MAPK8IP3: variants seen among roughly 807,000 people sequenced by gnomAD.
MAPK8IP3 encodes the protein C-Jun-amino-terminal kinase-interacting protein 3.
A neutral mutation model predicts 157.8 loss-of-function variants in MAPK8IP3; 49 were observed. That is an observed-to-expected ratio of 0.31 (90% CI 0.25 to 0.39). The LOEUF (loss-of-function observed/expected upper bound fraction) is 0.39. Among genes scored for constraint, MAPK8IP3 ranks in the 10% least tolerant of loss-of-function variants. The pLI, the probability that MAPK8IP3 is intolerant of heterozygous loss-of-function variation, is 1.00. For synonymous variants in MAPK8IP3, 897 were observed against 777.7 expected, an observed-to-expected ratio of 1.15 and a Z score of -2.55; for missense variants, 1,478 against 1,889.4, an observed-to-expected ratio of 0.78 and a Z score of 4.04.
intron 4 of MAPK8IP3, among the ~76,000 whole-genome samples, chr16:1,733,560 C>T (rs922302569): frequency 1.3e-5 from 2 of 152,202 alleles, no homozygotes; most frequent in African/African-American, 4.8e-5. Flanking sequence ...CAGAAGGTGG[C>T]CCAGGAACCT....
At position 1,724,550 on chromosome 16, in the gene MAPK8IP3, T is replaced by C. The variant is rs781122667; in HGVS notation, c.319-7T>C. On this transcript the variant is annotated splice_polypyrimidine_tract_variant and splice_region_variant and intron_variant, in intron 1 of 31. Coordinates refer to ENST00000610761, the MANE Select transcript of MAPK8IP3 (RefSeq NM_001318852.2). This position sits in a 1 kb window ranked among gnomAD's most constrained non-coding sequence, Gnocchi z 4.1. ...ATGACTGCTCTTTCCCTCCCTTCCATGCACAGAAATTCATTGAGTTTGAAG... is the reference window on the plus strand; with the variant it reads ...ATGACTGCTCTTTCCCTCCCTTCCACGCACAGAAATTCATTGAGTTTGAAG... The C allele has an allele frequency of 1.1e-5, 17 of 1,612,850 alleles. No homozygotes were observed. Among genetic ancestry groups the C allele is most frequent in the Non-Finnish European group, 1.4e-5 (16 of 1,179,816 alleles).
rs2141959004 is a variant in MAPK8IP3, at chr16:1,768,171, T to A, written c.3563-28T>A. On this transcript the variant is annotated intron_variant, in intron 29 of 31. Coordinates refer to ENST00000610761, the MANE Select transcript of MAPK8IP3 (RefSeq NM_001318852.2). ...TCCCACTCTCCACCTGTATGCGGGC[T>A]CAGCGCCTCTGGGTTCTCTCCCTGC... 3.7e-6 allele frequency: 6 copies of A among 1,611,986 alleles called. No individual in the cohort carries two copies. The Middle Eastern group carries it at 8.3e-4, about 222-fold the overall frequency.
intron 4 of MAPK8IP3, chr16:1,734,924 G>C (rs2039563269): frequency 6.5e-6 from 1 of 154,590 alleles, no homozygotes; most frequent in Non-Finnish European, 1.5e-5. Context: ...ACGCCAGGCA[G>C]TGTTCTCGGG....
At chr16:1,712,751 C>G (rs1404415021) in intron 1 of MAPK8IP3, among the ~76,000 whole-genome samples, 2 of 152,198 alleles carry the variant, frequency 1.3e-5, no homozygotes, top group African/African-American at 4.8e-5. Context: ...CCTCCTAGAC[C>G]ACCTGCCCCC....
At position 1,760,436 on chromosome 16, in the gene MAPK8IP3, G is replaced by A; in HGVS notation, c.1361G>A (p.Gly454Glu). ...DLIAKVDQLS[G>E]EQEVLRGELE... ...ATTGCCAAGGTCGACCAGCTGTCCG[G>A]GGAGCAGGAGGTGCTGAGGGGCGAG... Residue 454 changes from glycine to glutamate, a missense_variant, in exon 12 of 32, where the codon GGG (glycine) becomes GAG (glutamate). This residue lies in a region of MAPK8IP3 where 96 missense variants were observed against 106.3 expected (regional missense o/e 0.90). Transcript: ENST00000610761. The A allele has an allele frequency of 6.2e-7, 1 of 1,613,972 alleles. No homozygotes were observed. Among genetic ancestry groups the A allele is most frequent in the East Asian group, 2.2e-5 (1 of 44,876 alleles).
Position 1,764,348 on chromosome 16 carries a change from G to A in MAPK8IP3, c.2169G>A (p.Glu723=), listed in dbSNP as rs775180762. Residue 723 remains glutamate (E), a synonymous_variant, in exon 19 of 32, where the codon GAG becomes GAA. Coordinates refer to ENST00000610761, the MANE Select transcript of MAPK8IP3 (RefSeq NM_001318852.2). ...GVNLSGWRPN[E]DDAGNGVKPA... ...ACCTGAGCGGGTGGAGGCCCAATGA[G>A]GACGACGCTGGGAATGGAGTCAAGC... The A allele has an allele frequency of 1.3e-6, 2 of 1,579,252 alleles. No individual in the cohort carries two copies. Among genetic ancestry groups the A allele is most frequent in the East Asian group, 2.3e-5 (1 of 43,024 alleles).
intron 8 of MAPK8IP3, among the ~76,000 whole-genome samples, chr16:1,754,629 G>C (rs542601490): frequency 6.6e-6 from 1 of 152,138 alleles, no homozygotes; most frequent in South Asian, 2.1e-4. Context: ...AAAATTACCC[G>C]GGTGTGGTGG....
At position 1,748,378 on chromosome 16, in the gene MAPK8IP3, G is replaced by A. The variant is rs547870474; in HGVS notation, c.1097+32G>A. On this transcript the variant is annotated intron_variant, in intron 7 of 31. Transcript: ENST00000610761. ...GCTCAGCCCAGGCCCTGGGGTCCTG[G>A]GGGCTCAGTATTTATCCAAGTCGGT... The A allele has an allele frequency of 3.8e-6, 6 of 1,565,216 alleles. No homozygotes were observed. In the African/African-American group the frequency reaches 5.4e-5, roughly 14 times the overall value.
At chr16:1,739,485 C>CCT (rs2040462600) in intron 4 of MAPK8IP3, among the ~76,000 whole-genome samples, 1 of 85,276 alleles carries the variant, frequency 1.2e-5, no homozygotes, top group Non-Finnish European at 2.2e-5. Flanking sequence ...TCCGTGTGAG[C>CCT]ATGTGTGACC....
At chr16:1,727,809 G>C (rs996447469) in intron 2 of MAPK8IP3, among the ~76,000 whole-genome samples, 1 of 152,178 alleles carries the variant, frequency 6.6e-6, no homozygotes, top group Non-Finnish European at 1.5e-5. Flanking sequence ...GGCCGCCGCG[G>C]CCTCCAAGGA....
chr16:1,768,398 G>T lies in MAPK8IP3; in HGVS notation c.3742+20G>T. The stretch of plus-strand genomic sequence containing the variant: ...TGCCAGGTGAGGCTGGGCCCCTCCT[G>T]CCATCCACATCCCCTGCATGCCAGT... On this transcript the variant is annotated intron_variant, in intron 30 of 31. Transcript: ENST00000610761. 2 of 1,598,206 alleles carry T rather than the reference G, an allele frequency of 1.3e-6. No individual in the cohort carries two copies. Among genetic ancestry groups the T allele is most frequent in the Non-Finnish European group, 1.7e-6 (2 of 1,178,786 alleles).
intron 1 of MAPK8IP3, among the ~76,000 whole-genome samples, chr16:1,718,192 T>C (rs2038282780): frequency 6.6e-6 from 1 of 150,540 alleles, no homozygotes; most frequent in South Asian, 2.1e-4. Context: ...TAAATGATTT[T>C]TTTTTTTTTG....
At chr16:1,760,676 C>T (rs2041880823) in intron 12 of MAPK8IP3, 144 bp downstream of exon 12, 1 of 1,032,270 alleles carries the variant, frequency 9.7e-7, no homozygotes, top group South Asian at 1.7e-5. Flanking sequence ...ACAGCCACTC[C>T]ACCCCAACCA....
rs139948191 is a variant in MAPK8IP3, at chr16:1,712,996, C to T, written c.318+6339C>T. ...TGAGCCTGTTGTTTCCTTTTCTCGG[C>T]ACACCCGGAGATGCTGGCCATCTGT... is the stretch of plus-strand genomic sequence containing the variant. On this transcript the variant is annotated intron_variant, in intron 1 of 31. Coordinates refer to ENST00000610761, the MANE Select transcript of MAPK8IP3 (RefSeq NM_001318852.2). 4.7e-4 allele frequency among the ~76,000 whole-genome samples: 71 copies of T among 152,372 alleles called. No homozygotes were observed. In the East Asian group the frequency reaches 0.011, roughly 23 times the overall value.
intron 1 of MAPK8IP3, chr16:1,707,290 T>C (rs1460813041): frequency 2.0e-5 from 3 of 152,264 alleles, no homozygotes; most frequent in Admixed American, 2.0e-4. Context: ...GTGGTTGATG[T>C]AAACACAGAA....
chr16:1,712,122 C>T lies in MAPK8IP3; in HGVS notation c.318+5465C>T, dbSNP rs1008716440. On this transcript the variant is annotated intron_variant, in intron 1 of 31. Transcript: ENST00000610761. The stretch of plus-strand genomic sequence containing the variant: ...TGTCACCCATGCTGGAGTACAGTGG[C>T]GCAATCTCGGCTCACTGCAAGCTCC... Among the ~76,000 whole-genome samples, 20 of 123,774 alleles carry T rather than the reference C, an allele frequency of 1.6e-4. No homozygotes were observed. The East Asian group carries it at 4.6e-3, about 28-fold the overall frequency. The allele number at this position is 123,774 out of a possible 152,430, so 81.2% of individuals were successfully genotyped here. A position where few individuals can be genotyped will look rare whatever the true frequency, so the allele number is the denominator to read the frequency against.
At chr16:1,748,796 G>C (rs1264189520) in intron 8 of MAPK8IP3, 76 bp downstream of exon 8, 6 of 1,298,342 alleles carry the variant, frequency 4.6e-6, no homozygotes. Context: ...TGTTTGTAAT[G>C]AAAGGAAAGT....
At chr16:1,712,315 C>T (rs2037843953) in intron 1 of MAPK8IP3, among the ~76,000 whole-genome samples, 1 of 151,976 alleles carries the variant, frequency 6.6e-6, no homozygotes, top group Non-Finnish European at 1.5e-5. Context: ...CCCATCTCGG[C>T]CTCCCAAAGT....
In MAPK8IP3 at chr16:1,765,054, G is replaced by A. The variant is rs376440143; in HGVS notation, c.2322G>A (p.Val774=). The A allele has an allele frequency of 1.2e-6, 2 of 1,611,712 alleles. No individual in the cohort carries two copies. The highest frequency in any genetic ancestry group is 1.3e-5 in the African/African-American group (1 of 74,908). The change falls in exon 20 of 32, where the codon GTG becomes GTA. Residue 774 remains valine (V), a synonymous_variant. Transcript: ENST00000610761. ...LPEMDATSSR[V]WILTSTLTTS... ...AAATGGACGCCACCTCCAGCCGGGT[G>A]TGGATCCTGACCAGCACCCTGACCA...
Sources: gnomAD v4.1 joint callset for allele counts (sites outside exome capture counted in the v4.1 genomes callset) on GRCh38, gnomAD v4.1.1 for gene constraint, gnomAD v4.1.1 regional missense constraint, Gnocchi (gnomAD v3.1) non-coding constraint, MANE v1.5 for transcripts, NCBI Gene and HGNC (gene_info 2026-07-23, HGNC 2026-07-21) for gene names.